Variants in KRT8 observed in about 807,000 individuals in gnomAD.
KRT8 encodes the protein keratin 8, also known as keratin, type II cytoskeletal 8.
In KRT8, 24 loss-of-function variants were observed where a neutral mutation model predicts 43.0. That is an observed-to-expected ratio of 0.56 (90% CI 0.40 to 0.78). The LOEUF is 0.78. Among genes scored for constraint, KRT8 ranks in the 30% least tolerant of loss-of-function variants. The pLI is 0.00. For missense variants in KRT8, 492 were observed against 638.4 expected (o/e 0.77, Z 2.47); for synonymous variants, 214 against 261.2 (o/e 0.82, Z 1.74).
chr12:52,925,835 G>A (rs887664523), intron 2 of KRT8, among the ~76,000 whole-genome samples: 2 of 152,110 alleles, frequency 1.3e-5, no homozygotes, highest in Non-Finnish European at 2.9e-5. Context: ...AGGAGGTGGA[G>A]CCTACCAACA....
At chr12:52,924,627 A>G (rs1941954301) in intron 2 of KRT8, among the ~76,000 whole-genome samples, 2 of 152,194 alleles carry the variant, frequency 1.3e-5, no homozygotes, top group Admixed American at 6.5e-5. Context: ...AATAAATTAT[A>G]TGATGATAAT....
At chr12:52,929,734 C>T (rs768659523) in intron 2 of KRT8, among the ~76,000 whole-genome samples, 3 of 152,144 alleles carry the variant, frequency 2.0e-5, no homozygotes, top group Non-Finnish European at 4.4e-5. Context: ...GAAAGCCACC[C>T]ACAGAGGCCA....
At chr12:52,918,174 G>GAAGAAGAAGAAGAAGGA (rs1941794478) in intron 2 of KRT8, among the ~76,000 whole-genome samples, 1 of 33,094 alleles carries the variant, frequency 3.0e-5, no homozygotes, top group African/African-American at 1.6e-4. Flanking sequence ...AAGAAGAAGA[G>GAAGAAGAAGAAGAAGGA]GAAGAGGAAG....
intron 2 of KRT8, among the ~76,000 whole-genome samples, chr12:52,931,745 C>T (rs1424547572): frequency 6.6e-6 from 1 of 151,866 alleles, no homozygotes; most frequent in African/African-American, 2.4e-5. Flanking sequence ...TCACTGTAAA[C>T]CCCGCCTTCC....
rs935121573 is a variant in KRT8 at position 52,904,590 on chromosome 12, C to G, written c.324+68G>C. ...ACGCCAGCTGGGGGCTGGAGATGTG[C>G]ATAGGGACCGGGACTACCAGGAGAA... On this transcript the variant is annotated intron_variant, in intron 1 of 7. Transcript: ENST00000692008. 12 of 1,433,876 alleles carry G rather than the reference C, an allele frequency of 8.4e-6. No individual in the cohort carries two copies. In the African/African-American group the frequency reaches 1.7e-4, roughly 20 times the overall value. The allele number at this position is 1,433,876 out of a possible 1,614,324, so 88.8% of individuals were successfully genotyped here. A position where few individuals can be genotyped will look rare whatever the true frequency, so the allele number is the denominator to read the frequency against.
upstream of KRT8, among the ~76,000 whole-genome samples, chr12:52,909,328 G>A (rs533932103): frequency 1.6e-4 from 25 of 152,242 alleles, no homozygotes; most frequent in Middle Eastern, 3.4e-3. Context: ...TTTAAATGAT[G>A]GAGCATTTTG....
intron 2 of KRT8, chr12:52,926,305 C>T: frequency 2.0e-6 from 2 of 993,226 alleles, no homozygotes; most frequent in Non-Finnish European, 3.0e-6. Flanking sequence ...GTGGCTGAGG[C>T]TTAGCCTTCC....
At chr12:52,901,496 C>T (rs760457771) in intron 2 of KRT8, 15 of 553,680 alleles carry the variant, frequency 2.7e-5, no homozygotes, top group Non-Finnish European at 4.2e-5. Flanking sequence ...AGACCTCAGA[C>T]AGAACTTTCT....
intron 5 of KRT8, among the ~76,000 whole-genome samples, chr12:52,899,319 A>G (rs570098257): frequency 1.8e-4 from 28 of 152,170 alleles, no homozygotes; most frequent in African/African-American, 6.5e-4. Context: ...TGTCTCAAAA[A>G]TAAATAAATA....
At chr12:52,937,560 T>A (rs1942188307) in intron 2 of KRT8, among the ~76,000 whole-genome samples, 1 of 149,308 alleles carries the variant, frequency 6.7e-6, no homozygotes, top group Admixed American at 6.7e-5. Context: ...TGGTGGCATG[T>A]GACTATAATC....
At position 52,944,801 on chromosome 12, in the gene KRT8, C is replaced by T. The variant is rs373204805; in HGVS notation, c.-47+4655G>A. 1.8e-4 allele frequency among the ~76,000 whole-genome samples: 27 copies of T among 152,310 alleles called. No individual in the cohort carries two copies. The South Asian group carries it at 5.0e-3, about 28-fold the overall frequency. ...ACTCTCCCACCCCTGGGGAAGAGGG[C>T]CTGGCCCAAGCCCTGAGAACCCGTT... On this transcript the variant is annotated intron_variant, in intron 2 of 6. Coordinates refer to the KRT8 transcript ENST00000546826.
At chr12:52,940,432 C>CAAAAA (rs959352157) in intron 2 of KRT8, among the ~76,000 whole-genome samples, 3 of 50,694 alleles carry the variant, frequency 5.9e-5, no homozygotes, top group African/African-American at 1.2e-4. Flanking sequence ...GACTCAGTCT[C>CAAAAA]AAAAAAAAAA....
At chr12:52,917,925 G>A (rs1200143542) in intron 2 of KRT8, among the ~76,000 whole-genome samples, 2 of 147,938 alleles carry the variant, frequency 1.4e-5, no homozygotes, top group Non-Finnish European at 3.0e-5. Flanking sequence ...AAAAGAAGAA[G>A]GAGAAGGAGA....
chr12:52,920,745 GGTAAGCCTGT>G (rs1189474136), intron 2 of KRT8, among the ~76,000 whole-genome samples: 2 of 151,398 alleles, frequency 1.3e-5, no homozygotes, highest in Non-Finnish European at 2.9e-5. Context: ...CAGCCTGCCA[GGTAAGCCTGT>G]GCCCAGCCAG....
upstream of KRT8, among the ~76,000 whole-genome samples, chr12:52,910,297 C>G (rs1398147367): frequency 1.3e-5 from 2 of 152,236 alleles, no homozygotes; most frequent in African/African-American, 2.4e-5. Flanking sequence ...AAAGCTTCCT[C>G]GGTACAGCCA....
chr12:52,938,157 TATATATATA>T (rs1942203492), intron 2 of KRT8, among the ~76,000 whole-genome samples: 1 of 34,364 alleles, frequency 2.9e-5, no homozygotes, highest in African/African-American at 2.2e-4. Context: ...TATATATATA[TATATATATA>T]TATATTTTTT....
chr12:52,923,853 AT>A (rs915661391), intron 2 of KRT8, among the ~76,000 whole-genome samples: 21 of 148,472 alleles, frequency 1.4e-4, no homozygotes, highest in African/African-American at 4.2e-4. Context: ...AGCATTATAT[AT>A]TTTTTTTTTC....
intron 2 of KRT8, among the ~76,000 whole-genome samples, chr12:52,922,392 G>A (rs1425361474): frequency 6.6e-6 from 1 of 152,046 alleles, no homozygotes; most frequent in Non-Finnish European, 1.5e-5. Context: ...CTATGAGGAG[G>A]CCAGGCACGG....
At chr12:52,936,783 G>A (rs1423542702) in intron 2 of KRT8, among the ~76,000 whole-genome samples, 5 of 152,084 alleles carry the variant, frequency 3.3e-5, no homozygotes, top group African/African-American at 7.2e-5. Flanking sequence ...CCAAAGTGCT[G>A]GGATTACAGG....
Sources: gnomAD v4.1 joint callset for allele counts (sites outside exome capture counted in the v4.1 genomes callset) on GRCh38, gnomAD v4.1.1 for gene constraint, MANE v1.5 for transcripts, NCBI Gene and HGNC (gene_info 2026-07-23, HGNC 2026-07-21) for gene names.